CRB1: variants seen among roughly 807,000 people sequenced by gnomAD.
The protein encoded by CRB1 is protein crumbs homolog 1.
CRB1 carries 83 observed loss-of-function variants against 120.0 expected under a neutral mutation model. The observed-to-expected ratio is 0.69, with a 90% CI of 0.58 to 0.83. The LOEUF is 0.83. CRB1 is among the 40% of genes least tolerant of loss of function. CRB1 has a pLI of 0.00. For synonymous variants in CRB1, 625 were observed against 612.5 expected, an observed-to-expected ratio of 1.02 and a Z score of -0.30; for missense variants, 1,699 against 1,687.6, an observed-to-expected ratio of 1.01 and a Z score of -0.12.
Position 197,477,733 on chromosome 1 carries a change from C to T in CRB1, c.4075C>T (p.Leu1359Phe), listed in dbSNP as rs1427358329. The change falls in exon 12 of 12, where the codon CTC becomes TTC. Residue 1359 changes from leucine (L) to phenylalanine (F), a missense_variant. Coordinates refer to ENST00000367400, the MANE Select transcript of CRB1 (RefSeq NM_201253.3). ...AGTGACTGTCGCCTTGTTACTGATC[C>T]TCTTGCTGGCCATTGTTGCTTCTGT... is the stretch of plus-strand genomic sequence containing the variant. Reference protein sequence around the residue: ...GSVTVALLLILLLAIVASVVT... With the variant: ...GSVTVALLLIFLLAIVASVVT... 7 of 1,613,888 alleles carry T rather than the reference C, an allele frequency of 4.3e-6. No individual in the cohort carries two copies. The highest frequency in any genetic ancestry group is 2.2e-5 in the East Asian group (1 of 44,856).
chr1:197,344,313 T>C lies in CRB1; in HGVS notation c.685T>C (p.Trp229Arg), dbSNP rs1659642112. The C allele has an allele frequency of 6.2e-7, 1 of 1,614,198 alleles. No individual in the cohort carries two copies. The highest frequency in any genetic ancestry group is 2.2e-5 in the East Asian group (1 of 44,880). ...CTGTGAATTGGAAATTGACGAATGT[T>C]GGTCCCAGCCTTGTTTAAATGGTGC... ...VNCELEIDEC[W>R]SQPCLNGATC... Residue 229 changes from tryptophan (W) to arginine (R), a missense_variant, in exon 3 of 12, where the codon TGG (tryptophan) becomes CGG (arginine). By Grantham distance (101) the Trp-to-Arg change is moderately radical. Coordinates refer to ENST00000367400, the MANE Select transcript of CRB1 (RefSeq NM_201253.3).
chr1:197,258,091 A>C, the CRB1 span, among the ~76,000 whole-genome samples: 2 of 152,224 alleles, frequency 1.3e-5, no homozygotes, highest in Non-Finnish European at 2.9e-5. Context: ...AGAATAAATA[A>C]GAACTAGTAT....
At position 197,455,159 on chromosome 1, in the gene CRB1, C is replaced by G. The variant is rs145944451; in HGVS notation, c.4005+12867C>G. Among the ~76,000 whole-genome samples the G allele has an allele frequency of 1.1e-3, 169 of 152,188 alleles. 1 individual carries two copies. The highest frequency in any genetic ancestry group is 2.1e-3 in the Non-Finnish European group (141 of 67,990). The stretch of plus-strand genomic sequence containing the variant: ...TGATACTGTTCTGGGCAAACTAGGA[C>G]ATATCCTAGTTATTACCCACCCAGG... On this transcript the variant is annotated intron_variant, in intron 11 of 11. Transcript: ENST00000367400.
intron 2 of CRB1, among the ~76,000 whole-genome samples, chr1:197,329,796 T>C (rs956615251): frequency 1.3e-5 from 2 of 152,184 alleles, no homozygotes; most frequent in African/African-American, 4.8e-5. Flanking sequence ...AGCCTATGCT[T>C]TCTCACATGC....
chr1:197,377,634 C>T lies in CRB1; in HGVS notation c.1171+20621C>T, dbSNP rs113128898. On this transcript the variant is annotated intron_variant, in intron 5 of 11. Coordinates refer to ENST00000367400, the MANE Select transcript of CRB1 (RefSeq NM_201253.3). ...ATCATAATTTGAAAAATGTGTTCTC[C>T]TTATTTCAGATTGATCTTCCATTTT... 1.9e-3 allele frequency among the ~76,000 whole-genome samples: 288 copies of T among 152,242 alleles called. 1 individual carries two copies. Among genetic ancestry groups the T allele is most frequent in the African/African-American group, 6.6e-3 (274 of 41,532 alleles).
chr1:197,406,459 G>A (rs928183720), intron 5 of CRB1, among the ~76,000 whole-genome samples: 2 of 152,094 alleles, frequency 1.3e-5, no homozygotes, highest in Non-Finnish European at 2.9e-5. Flanking sequence ...AGGGTCCTCT[G>A]CCTAGGAAAA....
chr1:197,387,618 C>A (rs980864955), intron 5 of CRB1, among the ~76,000 whole-genome samples: 3 of 151,846 alleles, frequency 2.0e-5, no homozygotes, highest in Admixed American at 6.6e-5. Context: ...TTTCCAGGAA[C>A]CTTCAGTTAA....
At chr1:197,452,206 A>T (rs941945895) in intron 11 of CRB1, among the ~76,000 whole-genome samples, 5 of 152,134 alleles carry the variant, frequency 3.3e-5, no homozygotes, top group Non-Finnish European at 7.4e-5. Flanking sequence ...TGCTGTTCTA[A>T]GACGACGAAG....
intron 1 of CRB1, among the ~76,000 whole-genome samples, chr1:197,304,601 C>T (rs1157749359): frequency 6.6e-5 from 10 of 152,210 alleles, no homozygotes; most frequent in Admixed American, 6.5e-4. Flanking sequence ...GCTAAAACTA[C>T]ATTTCTCACT....
At chr1:197,268,528 T>A (rs201359608) in intron 1 of CRB1, 46 bp downstream of exon 1, 4 of 1,316,368 alleles carry the variant, frequency 3.0e-6, no homozygotes, top group Non-Finnish European at 4.4e-6. Context: ...TATTTCTGGC[T>A]TATTATATTT....
At chr1:197,294,296 A>G (rs1262898772) in intron 1 of CRB1, among the ~76,000 whole-genome samples, 1 of 152,214 alleles carries the variant, frequency 6.6e-6, no homozygotes, top group Non-Finnish European at 1.5e-5. Flanking sequence ...TTCTGCAGCC[A>G]ACAGACACAC....
chr1:197,235,106 C>T, the CRB1 span, among the ~76,000 whole-genome samples: 1 of 152,074 alleles, frequency 6.6e-6, no homozygotes, highest in Non-Finnish European at 1.5e-5. Flanking sequence ...GCACTATGTC[C>T]CAAGTAGGCA....
intron 4 of CRB1, among the ~76,000 whole-genome samples, chr1:197,354,438 C>G (rs960698712): frequency 6.6e-6 from 1 of 152,050 alleles, no homozygotes; most frequent in African/African-American, 2.4e-5. Context: ...ATGGGGTGTC[C>G]GCAGTCTGTT....
intron 5 of CRB1, among the ~76,000 whole-genome samples, chr1:197,364,330 T>C (rs1660949526): frequency 6.6e-6 from 1 of 152,258 alleles, no homozygotes; most frequent in South Asian, 2.1e-4. Flanking sequence ...TGTCTAATTT[T>C]CAGCAATTTA....
intron 5 of CRB1, among the ~76,000 whole-genome samples, chr1:197,393,760 A>G (rs1165305616): frequency 6.6e-6 from 1 of 151,802 alleles, no homozygotes; most frequent in Non-Finnish European, 1.5e-5. Context: ...ACAAGAATAG[A>G]GTTTTTATAA....
At chr1:197,227,274 G>A in the CRB1 span, among the ~76,000 whole-genome samples, 3 of 152,084 alleles carry the variant, frequency 2.0e-5, no homozygotes, top group Non-Finnish European at 4.4e-5. Flanking sequence ...TACAATGGGG[G>A]TACAGGTATT....
chr1:197,347,784 T>C (rs1659862049), intron 4 of CRB1, among the ~76,000 whole-genome samples: 1 of 152,246 alleles, frequency 6.6e-6, no homozygotes, highest in Non-Finnish European at 1.5e-5. Context: ...GATGCTCTTT[T>C]CTTCCAAGAT....
chr1:197,455,714 A>G (rs749509492), intron 11 of CRB1, among the ~76,000 whole-genome samples: 1 of 152,126 alleles, frequency 6.6e-6, no homozygotes, highest in South Asian at 2.1e-4. Flanking sequence ...GTTTCTACTT[A>G]AAACTTCCAT....
intron 5 of CRB1, among the ~76,000 whole-genome samples, chr1:197,359,792 T>G (rs1660681969): frequency 6.6e-6 from 1 of 152,196 alleles, no homozygotes. Flanking sequence ...ATAGTCATGT[T>G]GATAGGTATG....
Sources: gnomAD v4.1 joint callset for allele counts (sites outside exome capture counted in the v4.1 genomes callset) on GRCh38, gnomAD v4.1.1 for gene constraint, MANE v1.5 for transcripts, NCBI Gene and HGNC (gene_info 2026-07-23, HGNC 2026-07-21) for gene names.